ANKS1B: variants seen among roughly 807,000 people sequenced by gnomAD.
ANKS1B encodes the protein ankyrin repeat and sterile alpha motif domain-containing protein 1B.
ANKS1B carries 36 observed loss-of-function variants against 148.3 expected under a neutral mutation model. That is an observed-to-expected ratio of 0.24 (90% CI 0.19 to 0.32). ANKS1B has a LOEUF of 0.32. Ranked by LOEUF, ANKS1B falls within the 10% of genes least tolerant of loss-of-function variation. The pLI is 1.00. For missense variants in ANKS1B, 1,157 were observed against 1,542.6 expected (o/e 0.75, Z 4.19); for synonymous variants, 542 against 560.8 (o/e 0.97, Z 0.47).
chr12:99,242,517 T>C (rs1361703622), intron 14 of ANKS1B, among the ~76,000 whole-genome samples: 1 of 152,198 alleles, frequency 6.6e-6, no homozygotes, highest in Admixed American at 6.5e-5. Flanking sequence ...TGCCACTGAC[T>C]TTCTTCACAG....
At chr12:99,970,965 T>A (rs970064315) in intron 1 of ANKS1B, among the ~76,000 whole-genome samples, 2 of 152,228 alleles carry the variant, frequency 1.3e-5, no homozygotes, top group Admixed American at 1.3e-4. Context: ...GTAGAGATGA[T>A]CTCATTTAGT....
chr12:98,841,740 T>A (rs1315854694), intron 17 of ANKS1B, among the ~76,000 whole-genome samples: 1 of 151,820 alleles, frequency 6.6e-6, no homozygotes, highest in Non-Finnish European at 1.5e-5. Context: ...CAAGGATGAG[T>A]TCAAAAAGAG....
At position 98,843,731 on chromosome 12, in the gene ANKS1B, C is replaced by A. The variant is rs550468392; in HGVS notation, c.2779-11595G>T. ...GGGGTGGAGAAGCAAGGGTAGAGGG[C>A]ATATTGAAGCAGTGAAACTATCTAG... On this transcript the variant is annotated intron_variant, in intron 17 of 26. Coordinates refer to ENST00000683438, the MANE Select transcript of ANKS1B (RefSeq NM_001352186.2). Among the ~76,000 whole-genome samples, 36 of 152,246 alleles carry A rather than the reference C, an allele frequency of 2.4e-4. No individual in the cohort carries two copies. In the South Asian group the frequency reaches 7.3e-3, roughly 31 times the overall value.
intron 14 of ANKS1B, chr12:99,155,010 C>T (rs1175562098): frequency 2.6e-6 from 4 of 1,535,328 alleles, no homozygotes; most frequent in Non-Finnish European, 2.6e-6. Flanking sequence ...GCAGTCAAAA[C>T]AAATGCAGAA....
intron 9 of ANKS1B, among the ~76,000 whole-genome samples, chr12:99,531,722 T>C (rs2096993556): frequency 6.6e-6 from 1 of 152,194 alleles, no homozygotes; most frequent in African/African-American, 2.4e-5. Flanking sequence ...AAATACCCAG[T>C]AGTTGGATTG....
intron 12 of ANKS1B, among the ~76,000 whole-genome samples, chr12:99,333,544 C>T (rs1255266009): frequency 6.6e-6 from 1 of 152,014 alleles, no homozygotes; most frequent in Non-Finnish European, 1.5e-5. Context: ...GAAAAAATCT[C>T]CTTCCTGTTG....
chr12:98,926,378 C>T (rs988948795), intron 17 of ANKS1B, among the ~76,000 whole-genome samples: 1 of 152,044 alleles, frequency 6.6e-6, no homozygotes, highest in Admixed American at 6.6e-5. Flanking sequence ...ACAGCAGCTG[C>T]AATAATAAAG....
At chr12:99,645,190 A>AAG (rs2098348999) in intron 9 of ANKS1B, among the ~76,000 whole-genome samples, 1 of 152,258 alleles carries the variant, frequency 6.6e-6, no homozygotes, top group African/African-American at 2.4e-5. Context: ...ATTTTCAATT[A>AAG]CATAGTTTTA....
At chr12:99,435,023 T>G (rs1384891687) in intron 11 of ANKS1B, among the ~76,000 whole-genome samples, 2 of 152,068 alleles carry the variant, frequency 1.3e-5, no homozygotes, top group Admixed American at 6.6e-5. Context: ...TAACAAAAAT[T>G]CTCCATATTC....
At chr12:99,208,443 G>A (rs909860695) in intron 14 of ANKS1B, among the ~76,000 whole-genome samples, 4 of 152,084 alleles carry the variant, frequency 2.6e-5, no homozygotes, top group African/African-American at 4.8e-5. Flanking sequence ...CTCAAAGGAC[G>A]TGTCTCTCAC....
At chr12:98,758,740 C>G (rs931598516) in intron 25 of ANKS1B, among the ~76,000 whole-genome samples, 4 of 151,626 alleles carry the variant, frequency 2.6e-5, no homozygotes, top group African/African-American at 9.7e-5. Context: ...TCTCTTCTTC[C>G]CCAGGGATTT....
chr12:99,545,484 T>C (rs1382719139), intron 9 of ANKS1B, among the ~76,000 whole-genome samples: 1 of 152,108 alleles, frequency 6.6e-6, no homozygotes, highest in Non-Finnish European at 1.5e-5. Context: ...GTTTGTTTGT[T>C]TAGGTCACAG....
chr12:98,846,706 T>C (rs2099474366), intron 17 of ANKS1B, among the ~76,000 whole-genome samples: 1 of 152,244 alleles, frequency 6.6e-6, no homozygotes, highest in East Asian at 1.9e-4. Flanking sequence ...TAAGCTGTGC[T>C]TTCTTTCTGG....
Position 99,807,295 on chromosome 12 carries a change from T to A in ANKS1B, c.373-595A>T, listed in dbSNP as rs187550392. On this transcript the variant is annotated intron_variant, in intron 3 of 26. Coordinates refer to ENST00000683438, the MANE Select transcript of ANKS1B (RefSeq NM_001352186.2). Reference sequence around the variant, plus strand: ...GTTGTGAGGATGGACCTAGATCAGTTCCCAGACAAGTTACTAGGAGTATCA... The same window carrying A: ...GTTGTGAGGATGGACCTAGATCAGTACCCAGACAAGTTACTAGGAGTATCA... Among the ~76,000 whole-genome samples the A allele has an allele frequency of 2.0e-5, 3 of 152,310 alleles. No individual in the cohort carries two copies. In the East Asian group the frequency reaches 5.8e-4, roughly 29 times the overall value.
At chr12:98,994,251 C>G (rs554251888) in intron 17 of ANKS1B, among the ~76,000 whole-genome samples, 1 of 152,072 alleles carries the variant, frequency 6.6e-6, no homozygotes, top group Non-Finnish European at 1.5e-5. Context: ...AATTTGTGAC[C>G]TTATTAAGTT....
chr12:99,188,007 G>A (rs1411048313), intron 14 of ANKS1B, among the ~76,000 whole-genome samples: 4 of 151,568 alleles, frequency 2.6e-5, no homozygotes, highest in Admixed American at 2.6e-4. Flanking sequence ...TATTTACCAA[G>A]CAAATGGAAA....
chr12:99,439,981 G>A (rs2095523534), intron 11 of ANKS1B, among the ~76,000 whole-genome samples: 1 of 151,546 alleles, frequency 6.6e-6, no homozygotes, highest in Non-Finnish European at 1.5e-5. Flanking sequence ...GAAACAACAT[G>A]GATTAATTTC....
intron 9 of ANKS1B, among the ~76,000 whole-genome samples, chr12:99,612,589 C>G (rs997537315): frequency 1.3e-5 from 2 of 152,094 alleles, no homozygotes; most frequent in Non-Finnish European, 2.9e-5. Flanking sequence ...TGCCAAGCAC[C>G]ATGAGAGGTT....
At chr12:99,241,147 C>T (rs140799893) in intron 14 of ANKS1B, among the ~76,000 whole-genome samples, 4,423 of 152,184 alleles carry the variant, frequency 0.029, 112 homozygotes, top group Non-Finnish European at 0.044. Flanking sequence ...TGATATACCA[C>T]TAGCAAGACT....
Sources: gnomAD v4.1 joint callset for allele counts (sites outside exome capture counted in the v4.1 genomes callset) on GRCh38, gnomAD v4.1.1 for gene constraint, MANE v1.5 for transcripts, NCBI Gene and HGNC (gene_info 2026-07-23, HGNC 2026-07-21) for gene names.